SLC2A13: variants seen among roughly 807,000 people sequenced by gnomAD.
SLC2A13 encodes proton myo-inositol cotransporter.
A neutral mutation model predicts 64.4 loss-of-function variants in SLC2A13; 32 were observed. That is an observed-to-expected ratio of 0.50 (90% confidence interval 0.37 to 0.67). SLC2A13 has a LOEUF of 0.67. SLC2A13 is among the 30% of genes least tolerant of loss of function. The pLI, the probability that SLC2A13 is intolerant of heterozygous loss-of-function variation, is 0.00. For missense variants in SLC2A13, 743 were observed against 829.2 expected, an observed-to-expected ratio of 0.90 and a Z score of 1.28; for synonymous variants, 338 against 327.1, an observed-to-expected ratio of 1.03 and a Z score of -0.36.
At position 39,895,815 on chromosome 12, in the gene SLC2A13, C is replaced by T. The variant is rs1326875369; in HGVS notation, c.1035-23854G>A. ...ACACATGTATATGCGTGTATACGTA[C>T]ACACATGTATATGCGTGTATATGCA... On this transcript the variant is annotated intron_variant, in intron 4 of 9. Transcript: ENST00000280871. Among the ~76,000 whole-genome samples the T allele has an allele frequency of 8.7e-5, 8 of 91,972 alleles. 3 individuals carry two copies. The highest frequency in any genetic ancestry group is 1.4e-4 in the African/African-American group (3 of 22,102). 60.3% of individuals were successfully genotyped at this position (91,972 alleles called of 152,430 possible). A position where few individuals can be genotyped will look rare whatever the true frequency, so the allele number is the denominator to read the frequency against.
chr12:39,926,569 A>G (rs1565545658), intron 4 of SLC2A13, among the ~76,000 whole-genome samples: 1 of 152,122 alleles, frequency 6.6e-6, no homozygotes, highest in Non-Finnish European at 1.5e-5. Context: ...TCAATAGGTA[A>G]TAAAATCATC....
chr12:39,848,819 C>T (rs942670669), intron 6 of SLC2A13, among the ~76,000 whole-genome samples: 2 of 152,178 alleles, frequency 1.3e-5, no homozygotes, highest in Non-Finnish European at 2.9e-5. Flanking sequence ...GGTACATATA[C>T]ACCAGGGAAT....
intron 1 of SLC2A13, among the ~76,000 whole-genome samples, chr12:40,103,993 T>C (rs1247273812): frequency 6.6e-6 from 1 of 152,216 alleles, no homozygotes; most frequent in African/African-American, 2.4e-5. Context: ...TAAAGTGCAG[T>C]GAGCTGGGTT....
intron 3 of SLC2A13, among the ~76,000 whole-genome samples, chr12:39,957,021 C>T (rs1271391285): frequency 2.0e-5 from 3 of 152,156 alleles, no homozygotes; most frequent in East Asian, 3.9e-4. Flanking sequence ...CCCAACACCA[C>T]GATCCTTTCC....
At chr12:39,845,715 C>G (rs1301721738) in intron 6 of SLC2A13, among the ~76,000 whole-genome samples, 1 of 152,114 alleles carries the variant, frequency 6.6e-6, no homozygotes, top group Non-Finnish European at 1.5e-5. Flanking sequence ...GCCAGCAACT[C>G]TGTGTAATCA....
At chr12:39,770,317 T>C (rs763671462) in intron 7 of SLC2A13, among the ~76,000 whole-genome samples, 1 of 152,118 alleles carries the variant, frequency 6.6e-6, no homozygotes, top group African/African-American at 2.4e-5. Flanking sequence ...GCTATGAACA[T>C]CTAGATCCTG....
Position 39,893,388 on chromosome 12 carries a change from C to T in SLC2A13, c.1035-21427G>A, listed in dbSNP as rs112352829. Among the ~76,000 whole-genome samples, 1,118 of 152,364 alleles carry T rather than the reference C, an allele frequency of 7.3e-3. 12 individuals carry two copies. The highest frequency in any genetic ancestry group is 0.026 in the African/African-American group (1,064 of 41,588). On this transcript the variant is annotated intron_variant, in intron 4 of 9. Transcript: ENST00000280871. ...AATCTCAGCTGGCTGCAACCTCCGC[C>T]TCCCAGGTTCAAGCAATTCTCCTGC... is the stretch of plus-strand genomic sequence containing the variant.
chr12:40,067,376 A>T (rs1025001337), intron 1 of SLC2A13, among the ~76,000 whole-genome samples: 4 of 151,712 alleles, frequency 2.6e-5, no homozygotes, highest in Non-Finnish European at 5.9e-5. Flanking sequence ...TAATTTTTTA[A>T]TTTTTTATTT....
chr12:39,981,774 T>C (rs1186943966), intron 3 of SLC2A13, among the ~76,000 whole-genome samples: 2 of 141,332 alleles, frequency 1.4e-5, no homozygotes, highest in Non-Finnish European at 3.1e-5. Context: ...CCATTCCTTC[T>C]GAAACTATTC....
chr12:40,032,261 C>T (rs890421755), intron 2 of SLC2A13, among the ~76,000 whole-genome samples: 1 of 152,162 alleles, frequency 6.6e-6, no homozygotes, highest in Non-Finnish European at 1.5e-5. Context: ...CCACACCTTA[C>T]GGCAAAAGCC....
chr12:39,897,673 A>C (rs1162719447), intron 4 of SLC2A13, among the ~76,000 whole-genome samples: 1 of 152,196 alleles, frequency 6.6e-6, no homozygotes, highest in African/African-American at 2.4e-5. Context: ...ATTTAATTTC[A>C]GTGAATTTTC....
chr12:39,837,854 A>G (rs1216001148), intron 6 of SLC2A13, among the ~76,000 whole-genome samples: 1 of 151,730 alleles, frequency 6.6e-6, no homozygotes, highest in African/African-American at 2.4e-5. Flanking sequence ...GGTGCTGGAG[A>G]GGATGTGGAG....
At chr12:39,799,432 C>T (rs1378146983) in intron 7 of SLC2A13, among the ~76,000 whole-genome samples, 1 of 126,294 alleles carries the variant, frequency 7.9e-6, no homozygotes, top group African/African-American at 2.8e-5. Flanking sequence ...TAATCTCAAC[C>T]ATTAGGATCC....
intron 5 of SLC2A13, among the ~76,000 whole-genome samples, chr12:39,866,806 T>C (rs1238616529): frequency 6.6e-6 from 1 of 152,190 alleles, no homozygotes; most frequent in African/African-American, 2.4e-5. Flanking sequence ...TATAACATGT[T>C]AGTTATTATG....
At position 39,755,441 on chromosome 12, in the gene SLC2A13, T is replaced by C. The variant is rs1939948940; in HGVS notation, c.*4585A>G. Reference sequence around the variant, plus strand: ...ATACATTAGAGCTTCTAAATAGAAATTTGAATATTTATTACAAATAAAAGA... The same window carrying C: ...ATACATTAGAGCTTCTAAATAGAAACTTGAATATTTATTACAAATAAAAGA... On this transcript the variant is annotated 3_prime_UTR_variant, in exon 10 of 10. Coordinates refer to ENST00000280871, the MANE Select transcript of SLC2A13 (RefSeq NM_052885.4). 6.6e-6 allele frequency: 1 copy of C among 152,084 alleles called. No individual in the cohort carries two copies. The highest frequency in any genetic ancestry group is 6.6e-5 in the Admixed American group (1 of 15,230). 9.4% of individuals were successfully genotyped at this position (152,084 alleles called of 1,614,324 possible). A position where few individuals can be genotyped will look rare whatever the true frequency, so the allele number is the denominator to read the frequency against.
chr12:39,951,249 ATACATACATGAT>A lies in SLC2A13; in HGVS notation c.1030_1034+7del, dbSNP rs1946223725. 6.2e-7 allele frequency: 1 copy of A among 1,609,548 alleles called. No homozygotes were observed. Among genetic ancestry groups the A allele is most frequent in the Non-Finnish European group, 8.5e-7 (1 of 1,177,158 alleles). On this transcript the variant is annotated splice_donor_variant and splice_donor_5th_base_variant and coding_sequence_variant and intron_variant, in exon 4 of 10. Transcript: ENST00000280871. LOFTEE classifies it high-confidence loss of function. ...CTTTTCAGTAAAAAGCCAGAAAGAA[ATACATACATGAT>A]GGTGTTAATGCCTGAGAGCTGCTGG...
intron 5 of SLC2A13, among the ~76,000 whole-genome samples, chr12:39,869,036 A>G (rs1442686923): frequency 6.6e-6 from 1 of 152,230 alleles, no homozygotes; most frequent in Non-Finnish European, 1.5e-5. Context: ...ATACTGAATC[A>G]AAGGTTAAAA....
Position 40,034,706 on chromosome 12 carries a change from T to C in SLC2A13, c.717-6197A>G, listed in dbSNP as rs542475377. Among the ~76,000 whole-genome samples the C allele has an allele frequency of 2.0e-5, 3 of 152,282 alleles. No homozygotes were observed. In the South Asian group the frequency reaches 6.2e-4, roughly 32 times the overall value. ...TCTATAGCTTCAAGTTGGTATTCTT[T>C]CACAAATAACTATAAAATAAACTCA... On this transcript the variant is annotated intron_variant, in intron 2 of 9. Transcript: ENST00000280871.
chr12:40,081,765 T>C (rs1938410928), intron 1 of SLC2A13, among the ~76,000 whole-genome samples: 1 of 152,234 alleles, frequency 6.6e-6, no homozygotes, highest in Admixed American at 6.5e-5. Flanking sequence ...GCTTTTTGAA[T>C]TGCCAGAGTT....
Sources: gnomAD v4.1 joint callset for allele counts (sites outside exome capture counted in the v4.1 genomes callset) on GRCh38, gnomAD v4.1.1 for gene constraint, MANE v1.5 for transcripts, NCBI Gene and HGNC (gene_info 2026-07-23, HGNC 2026-07-21) for gene names.